The following KIF17 variants were observed in gnomAD, a reference collection of about 807,000 sequenced individuals.
KIF17 encodes the protein kinesin family member 17.
KIF17 carries 80 observed loss-of-function variants against 96.8 expected under a neutral mutation model. The observed-to-expected ratio is 0.83, with a 90% CI of 0.69 to 1.00. KIF17 has a LOEUF of 1.00. KIF17 is among the 50% of genes least tolerant of loss of function. The pLI is 0.00. For missense variants in KIF17, 1,280 were observed against 1,372.9 expected (o/e 0.93, Z 1.07); for synonymous variants, 567 against 587.5 (o/e 0.97, Z 0.51).
At chr1:20,673,762 C>A (rs1015935492) in intron 11 of KIF17, among the ~76,000 whole-genome samples, 2 of 152,054 alleles carry the variant, frequency 1.3e-5, no homozygotes, top group Non-Finnish European at 1.5e-5. Context: ...AACTCCTGAC[C>A]TCAGGTGATC....
At chr1:20,690,971 G>C (rs566364080) in intron 6 of KIF17, among the ~76,000 whole-genome samples, 5 of 152,086 alleles carry the variant, frequency 3.3e-5, no homozygotes, top group African/African-American at 1.2e-4. Flanking sequence ...ACAGGCGTGA[G>C]ACACCACGCC....
chr1:20,706,272 G>A (rs1216782057), intron 4 of KIF17, among the ~76,000 whole-genome samples: 5 of 151,532 alleles, frequency 3.3e-5, no homozygotes, highest in African/African-American at 4.8e-5. Context: ...CAGCGCATTC[G>A]TAGCCAGCTG....
chr1:20,684,442 G>T (rs528670194), intron 10 of KIF17, among the ~76,000 whole-genome samples: 20 of 152,354 alleles, frequency 1.3e-4, no homozygotes, highest in East Asian at 7.7e-4. Flanking sequence ...CAGCTCCCCC[G>T]GCGGTCCCAG....
downstream of KIF17, among the ~76,000 whole-genome samples, chr1:20,661,759 G>A (rs552811625): frequency 1.3e-5 from 2 of 152,388 alleles, no homozygotes; most frequent in East Asian, 3.9e-4. Flanking sequence ...TGGACAGGGT[G>A]TTTGGCCACC....
At position 20,687,547 on chromosome 1, in the gene KIF17, C is replaced by G; in HGVS notation, c.1779G>C (p.Gln593His). Reference protein sequence around the residue: ...QEAAGHLLGEQNYLPQEEPQE... With the variant: ...QEAAGHLLGEHNYLPQEEPQE... The stretch of plus-strand genomic sequence containing the variant: ...GCGGCTCCTCTTGCGGGAGGTAGTT[C>G]TGTTCCCCCAGCAGGTGCCCAGCGG... Residue 593 changes from glutamine (Q) to histidine (H), a missense_variant, in exon 8 of 15, where the codon CAG (glutamine) becomes CAC (histidine). Gln to His is a conservative substitution (Grantham distance 24, BLOSUM62 0). Coordinates refer to ENST00000400463, the MANE Select transcript of KIF17 (RefSeq NM_001122819.3). This position sits in a 1 kb window ranked among gnomAD's most constrained non-coding sequence, Gnocchi z 4.4. 1.2e-6 allele frequency: 2 copies of G among 1,613,806 alleles called. No homozygotes were observed. The highest frequency in any genetic ancestry group is 1.7e-6 in the Non-Finnish European group (2 of 1,179,824).
At chr1:20,673,817 C>T (rs913094628) in intron 11 of KIF17, among the ~76,000 whole-genome samples, 3 of 152,306 alleles carry the variant, frequency 2.0e-5, no homozygotes, top group East Asian at 1.9e-4. Context: ...AGGTGAGCCA[C>T]CGCGCCCGGC....
chr1:20,696,367 G>C lies in KIF17; in HGVS notation c.1233+2012C>G, dbSNP rs187606774. On this transcript the variant is annotated intron_variant, in intron 6 of 14. Transcript: ENST00000400463. ...AGGGACGCAGGGATAGCGGGGTGGG[G>C]GAGGGGCACAGACATCTTCAACGCT... is the stretch of plus-strand genomic sequence containing the variant. 7.6e-3 allele frequency among the ~76,000 whole-genome samples: 1,154 copies of C among 152,270 alleles called. 5 individuals are homozygous for C. Among genetic ancestry groups the C allele is most frequent in the Non-Finnish European group, 0.012 (806 of 68,008 alleles).
chr1:20,687,867 G>A lies in KIF17; in HGVS notation c.1459C>T (p.Pro487Ser), dbSNP rs2053967687. The A allele has an allele frequency of 6.2e-7, 1 of 1,613,898 alleles. No homozygotes were observed. The highest frequency in any genetic ancestry group is 1.3e-5 in the African/African-American group (1 of 74,932). The change falls in exon 8 of 15, where the codon CCG becomes TCG. Residue 487 changes from proline (P) to serine (S), a missense_variant. Physicochemically the swap from Pro to Ser is moderately conservative, Grantham distance 74. Transcript: ENST00000400463. The surrounding 1 kb of genome is among the most constrained non-coding windows in gnomAD (Gnocchi z 4.4). ...RAEFASSAEY[P>S]PAFQYETVVK... ...ACTGTCTCATACTGAAAAGCAGGCG[G>A]GTACTCAGCGCTGCTGGCAAACTCA...
At chr1:20,665,589 C>T (rs1223937156) in intron 14 of KIF17, among the ~76,000 whole-genome samples, 5 of 151,706 alleles carry the variant, frequency 3.3e-5, no homozygotes. Flanking sequence ...TTAGTAGAGA[C>T]GGGGTTTCAC....
chr1:20,685,038 C>A lies in KIF17; in HGVS notation c.2020-18G>T, dbSNP rs74486081. Reference sequence around the variant, plus strand: ...TCTACCTCCTGAGTGTGAAGAGAAACCCAGGTGGAGGTGGGAAGGCCGCCC... The same window carrying A: ...TCTACCTCCTGAGTGTGAAGAGAAAACCAGGTGGAGGTGGGAAGGCCGCCC... On this transcript the variant is annotated intron_variant, in intron 9 of 14. Transcript: ENST00000400463. The surrounding 1 kb of genome is among the most constrained non-coding windows in gnomAD (Gnocchi z 4.1). 762 of 1,569,222 alleles carry A rather than the reference C, an allele frequency of 4.9e-4. 6 individuals carry two copies. In the East Asian group the frequency reaches 0.011, roughly 23 times the overall value.
intron 13 of KIF17, among the ~76,000 whole-genome samples, chr1:20,667,517 A>G (rs958314521): frequency 6.6e-6 from 1 of 152,228 alleles, no homozygotes; most frequent in Non-Finnish European, 1.5e-5. Flanking sequence ...TCCCGAAACT[A>G]TCAGACCCCC....
At chr1:20,701,644 G>C (rs553939923) in intron 5 of KIF17, among the ~76,000 whole-genome samples, 28 of 152,278 alleles carry the variant, frequency 1.8e-4, no homozygotes, top group African/African-American at 6.7e-4. Flanking sequence ...AGGAGAGGTG[G>C]GTGGGGAGGC....
chr1:20,676,629 C>T (rs1012417157), intron 11 of KIF17, among the ~76,000 whole-genome samples: 37 of 151,396 alleles, frequency 2.4e-4, no homozygotes, highest in Non-Finnish European at 4.4e-4. Context: ...GTCAGGAGTT[C>T]GAGACCAGCC....
Position 20,682,782 on chromosome 1 carries a change from C to T in KIF17, c.2334G>A (p.Arg778=). The T allele has an allele frequency of 1.2e-6, 2 of 1,612,948 alleles. No homozygotes were observed. Among genetic ancestry groups the T allele is most frequent in the Non-Finnish European group, 1.7e-6 (2 of 1,180,042 alleles). Residue 778 remains arginine, a synonymous_variant, in exon 11 of 15, where the codon AGG becomes AGA. Coordinates refer to ENST00000400463, the MANE Select transcript of KIF17 (RefSeq NM_001122819.3). ...TCTGCAGGGCAGCCACCAGCTGCTT[C>T]CTGCGCTCGTCTGCGTAGCGCTTGC... ...KRRKRYADER[R]KQLVAALQNS...
At chr1:20,703,724 T>C (rs982564985) in intron 5 of KIF17, among the ~76,000 whole-genome samples, 2 of 151,396 alleles carry the variant, frequency 1.3e-5, no homozygotes, top group Non-Finnish European at 2.9e-5. Flanking sequence ...GGAAGGTGGG[T>C]GCGAGGGGGA....
intron 10 of KIF17, among the ~76,000 whole-genome samples, chr1:20,684,372 G>C (rs1570447117): frequency 6.6e-6 from 1 of 152,242 alleles, no homozygotes; most frequent in African/African-American, 2.4e-5. Flanking sequence ...ACGGAAGTGA[G>C]AACCGAGGCT....
At chr1:20,671,891 A>C (rs1205073576) in intron 12 of KIF17, 47 bp downstream of exon 12, 1 of 1,600,680 alleles carries the variant, frequency 6.2e-7, no homozygotes, top group Non-Finnish European at 8.5e-7. Flanking sequence ...CAGGATGGTA[A>C]GCCGTGAAGG....
intron 14 of KIF17, among the ~76,000 whole-genome samples, chr1:20,665,536 A>G (rs1056818132): frequency 2.7e-5 from 4 of 150,936 alleles, no homozygotes; most frequent in Non-Finnish European, 4.4e-5. Context: ...AGTAGTTGGG[A>G]TTACAGGCAC....
chr1:20,707,293 A>C (rs576799243), intron 4 of KIF17, among the ~76,000 whole-genome samples: 2 of 152,330 alleles, frequency 1.3e-5, no homozygotes, highest in African/African-American at 4.8e-5. Context: ...AGCACTGGGA[A>C]ACTGGAAACC....
Sources: gnomAD v4.1 joint callset for allele counts (sites outside exome capture counted in the v4.1 genomes callset) on GRCh38, gnomAD v4.1.1 for gene constraint, Gnocchi (gnomAD v3.1) non-coding constraint, MANE v1.5 for transcripts, NCBI Gene and HGNC (gene_info 2026-07-23, HGNC 2026-07-21) for gene names.